TAPT1: variants seen among roughly 807,000 people sequenced by gnomAD.
TAPT1 encodes the protein transmembrane anterior posterior transformation 1.
Under a neutral mutation model 65.6 loss-of-function variants are expected in TAPT1, and 28 were observed. The observed-to-expected ratio is 0.43, with a 90% CI of 0.32 to 0.59. TAPT1 has a LOEUF of 0.59. Among genes scored for constraint, TAPT1 ranks in the 20% least tolerant of loss-of-function variants. TAPT1 has a pLI of 0.09. For synonymous variants in TAPT1, 278 were observed against 245.2 expected (o/e 1.13, Z -1.25); for missense variants, 563 against 679.9 (o/e 0.83, Z 1.91).
At chr4:16,186,297 A>C (rs1264676770) in intron 7 of TAPT1, among the ~76,000 whole-genome samples, 1 of 152,224 alleles carries the variant, frequency 6.6e-6, no homozygotes, top group African/African-American at 2.4e-5. Flanking sequence ...TTTCTAGACT[A>C]TTAAGAAGCT....
Position 16,198,642 on chromosome 4 carries a change from A to G in TAPT1, c.449+3820T>C, listed in dbSNP as rs142128954. On this transcript the variant is annotated intron_variant, in intron 3 of 13. Coordinates refer to ENST00000405303, the MANE Select transcript of TAPT1 (RefSeq NM_153365.3). Reference sequence around the variant, plus strand: ...TTCTTCTTATTTCTTTGAAAAAAATAAAGTCAGACTGAAGGAAAGAGCACT... The same window carrying G: ...TTCTTCTTATTTCTTTGAAAAAAATGAAGTCAGACTGAAGGAAAGAGCACT... 1.2e-4 allele frequency among the ~76,000 whole-genome samples: 18 copies of G among 152,338 alleles called. 1 individual carries two copies. In the East Asian group the frequency reaches 3.5e-3, roughly 29 times the overall value.
intron 2 of TAPT1, among the ~76,000 whole-genome samples, chr4:16,211,806 T>C (rs550371950): frequency 1.3e-5 from 2 of 152,368 alleles, no homozygotes; most frequent in Non-Finnish European, 2.9e-5. Flanking sequence ...TGGCAACTTA[T>C]ACTGATTACT....
At chr4:16,176,763 T>C (rs317877) in intron 8 of TAPT1, 72,217 of 152,152 alleles carry the variant, frequency 0.47, 18,418 homozygotes, top group African/African-American at 0.67. Context: ...GCTTTACATG[T>C]GGGCTCCAGT....
At position 16,220,332 on chromosome 4, in the gene TAPT1, G is replaced by A. The variant is rs578104661; in HGVS notation, c.199+5927C>T. 1.1e-4 allele frequency among the ~76,000 whole-genome samples: 16 copies of A among 152,170 alleles called. No homozygotes were observed. The South Asian group carries it at 3.3e-3, about 32-fold the overall frequency. ...CTAAGCAAAACAGTCACTCTCATTT[G>A]TTATGCCAAACATCTACCTCTACGT... On this transcript the variant is annotated intron_variant, in intron 1 of 13. Transcript: ENST00000405303.
intron 11 of TAPT1, among the ~76,000 whole-genome samples, chr4:16,171,591 C>T (rs1053327639): frequency 2.6e-5 from 4 of 152,062 alleles, no homozygotes; most frequent in Admixed American, 6.6e-5. Flanking sequence ...TTTAAAAATG[C>T]TTTTAATAAA....
chr4:16,171,654 T>C (rs1747996676), intron 11 of TAPT1, among the ~76,000 whole-genome samples: 1 of 152,170 alleles, frequency 6.6e-6, no homozygotes, highest in Admixed American at 6.5e-5. Context: ...CAATAAACTC[T>C]CACTATGAGA....
intron 13 of TAPT1, among the ~76,000 whole-genome samples, chr4:16,164,895 G>A (rs374708391): frequency 2.6e-5 from 4 of 152,018 alleles, no homozygotes; most frequent in Non-Finnish European, 1.5e-5. Flanking sequence ...CTTTATTTTC[G>A]CTTCCGGTTA....
chr4:16,186,648 T>C (rs1376474182), intron 6 of TAPT1, 44 bp from the exon 7 acceptor site: 3 of 1,434,888 alleles, frequency 2.1e-6, no homozygotes, highest in Non-Finnish European at 2.9e-6. Context: ...TTATAACAGT[T>C]TAAAAACTGG....
At chr4:16,169,262 C>A (rs1747835801) in intron 12 of TAPT1, among the ~76,000 whole-genome samples, 2 of 152,168 alleles carry the variant, frequency 1.3e-5, no homozygotes, top group Admixed American at 6.5e-5. Flanking sequence ...AAAGCACATA[C>A]CCCTGGATGA....
At chr4:16,215,626 C>G (rs1348227107) in intron 1 of TAPT1, among the ~76,000 whole-genome samples, 1 of 152,194 alleles carries the variant, frequency 6.6e-6, no homozygotes, top group Non-Finnish European at 1.5e-5. Context: ...CCTCACGCAA[C>G]AGGAGGCGGA....
At chr4:16,178,511 A>G (rs1177046281) in intron 8 of TAPT1, among the ~76,000 whole-genome samples, 1 of 152,236 alleles carries the variant, frequency 6.6e-6, no homozygotes, top group Non-Finnish European at 1.5e-5. Flanking sequence ...TCAGACATTC[A>G]AACAAAAACT....
intron 8 of TAPT1, 150 bp from the exon 9 acceptor site, chr4:16,176,378 A>G (rs951484583): frequency 5.8e-6 from 3 of 515,714 alleles, no homozygotes; most frequent in Non-Finnish European, 1.0e-5. Context: ...CTTTATCAAA[A>G]GAGCTATACT....
intron 8 of TAPT1, among the ~76,000 whole-genome samples, chr4:16,178,611 T>G (rs2149679145): frequency 6.6e-6 from 1 of 152,312 alleles, no homozygotes; most frequent in South Asian, 2.1e-4. Context: ...ATTAGCCTGT[T>G]AAGTCCTACA....
chr4:16,196,698 G>A, intron 3 of TAPT1: 1 of 1,288,842 alleles, frequency 7.8e-7, no homozygotes, highest in South Asian at 1.2e-5. Context: ...TTCTATAAAG[G>A]AAGTGAAAGT....
At chr4:16,191,308 A>C in intron 4 of TAPT1, 53 bp downstream of exon 4, 1 of 1,530,404 alleles carries the variant, frequency 6.5e-7, no homozygotes, top group Non-Finnish European at 8.8e-7. Context: ...AGAACTGAAG[A>C]CTTGAAGCTG....
intron 7 of TAPT1, 140 bp downstream of exon 7, chr4:16,186,395 C>A: frequency 1.8e-6 from 1 of 565,456 alleles, no homozygotes; most frequent in South Asian, 2.7e-5. Flanking sequence ...AATAAGAAAA[C>A]CTAGTAAAGA....
chr4:16,191,402 GC>G lies in TAPT1; in HGVS notation c.570del (p.Gln191SerfsTer15). 6.2e-7 allele frequency: 1 copy of G among 1,600,954 alleles called. No individual in the cohort carries two copies. Among genetic ancestry groups the G allele is most frequent in the East Asian group, 2.2e-5 (1 of 44,484 alleles). ...ATGATGTAGAGCTTGATGACGGACTGCCCCCTTATCAGGTGGTACATCATGG... is the reference window on the plus strand; with the variant it reads ...ATGATGTAGAGCTTGATGACGGACTGCCCCTTATCAGGTGGTACATCATGG... ...DYSMMYHLIR[G>X]QSVIKLYIIY... On this transcript the variant is annotated frameshift_variant, in exon 4 of 14. Transcript: ENST00000405303. LOFTEE classifies it high-confidence loss of function.
At chr4:16,175,928 T>C (rs1245675476) in intron 9 of TAPT1, among the ~76,000 whole-genome samples, 191 bp downstream of exon 9, 1 of 152,200 alleles carries the variant, frequency 6.6e-6, no homozygotes, top group African/African-American at 2.4e-5. Flanking sequence ...TCTATACTTC[T>C]ACCCCAAGAA....
intron 12 of TAPT1, among the ~76,000 whole-genome samples, chr4:16,167,531 G>T (rs931811880): frequency 2.0e-5 from 3 of 152,146 alleles, no homozygotes; most frequent in African/African-American, 7.2e-5. Context: ...GTATAGAAAT[G>T]GTCTATTTTA....
Sources: allele counts gnomAD v4.1 joint callset (sites outside exome capture counted in the v4.1 genomes callset), GRCh38; gene constraint gnomAD v4.1.1; transcripts MANE v1.5; gene names NCBI Gene and HGNC (gene_info 2026-07-23, HGNC 2026-07-21).